Variants in ACADSB observed in about 807,000 individuals in gnomAD.
ACADSB encodes acyl-CoA dehydrogenase short/branched chain, also known as short/branched chain specific acyl-CoA dehydrogenase, mitochondrial.
Under a neutral mutation model 54.1 loss-of-function variants are expected in ACADSB, and 40 were observed. The ratio of observed to expected loss-of-function variants is 0.74; its 90% confidence interval spans 0.57 to 0.96. ACADSB has a LOEUF of 0.96. ACADSB is among the 40% of genes least tolerant of loss of function. ACADSB has a pLI of 0.00. For missense variants in ACADSB, 530 were observed against 510.4 expected (o/e 1.04, Z -0.37); for synonymous variants, 182 against 182.8 (o/e 1.00, Z 0.03).
chr10:123,057,834 G>A lies in ACADSB; in HGVS notation c.*4069G>A, dbSNP rs1259647451. 2 of 152,306 alleles carry A rather than the reference G, an allele frequency of 1.3e-5. No individual in the cohort carries two copies. The highest frequency in any genetic ancestry group is 2.4e-5 in the African/African-American group (1 of 41,576). The allele number at this position is 152,306 out of a possible 1,614,324, so 9.4% of individuals were successfully genotyped here. A position where few individuals can be genotyped will look rare whatever the true frequency, so the allele number is the denominator to read the frequency against. On this transcript the variant is annotated 3_prime_UTR_variant, in exon 11 of 11. Coordinates refer to ENST00000358776, the MANE Select transcript of ACADSB (RefSeq NM_001609.4). ...CAGGAACGAAGACAAGAATCCAAAT[G>A]TACTTGGGGACAAGAATTAGTCCCC...
At chr10:123,027,203 TG>T (rs1052460893) in intron 1 of ACADSB, among the ~76,000 whole-genome samples, 13 of 152,148 alleles carry the variant, frequency 8.5e-5, no homozygotes, top group Non-Finnish European at 1.6e-4. Context: ...CAGAATGACC[TG>T]GGGTGCTTTT....
intron 5 of ACADSB, 76 bp from the exon 6 acceptor site, chr10:123,042,970 C>A (rs1850494524): frequency 6.5e-7 from 1 of 1,544,512 alleles, no homozygotes; most frequent in Non-Finnish European, 8.9e-7. Flanking sequence ...TTTTAGTTTT[C>A]TTTTTACTTA....
chr10:123,047,250 A>G lies in ACADSB; in HGVS notation c.942A>G (p.Pro314=). 3 of 1,609,592 alleles carry G rather than the reference A, an allele frequency of 1.9e-6. No homozygotes were observed. Among genetic ancestry groups the G allele is most frequent in the Non-Finnish European group, 2.6e-6 (3 of 1,175,826 alleles). The stretch of plus-strand genomic sequence containing the variant: ...AAGGATGTTTTGACTACACTATTCC[A>G]TATATTAAAGAAAGGATACAATTTG... The part of the protein sequence containing the change: ...LAQGCFDYTI[P]YIKERIQFGK... The change falls in exon 8 of 11, where the codon CCA becomes CCG. Residue 314 remains proline (P), a synonymous_variant. Transcript: ENST00000358776.
At chr10:123,027,105 T>G (rs193180188) in intron 1 of ACADSB, among the ~76,000 whole-genome samples, 1 of 152,096 alleles carries the variant, frequency 6.6e-6, no homozygotes, top group Non-Finnish European at 1.5e-5. Context: ...AAGTGAATGG[T>G]TTGGTTTTTG....
At chr10:123,043,968 G>A (rs773468919) in intron 6 of ACADSB, among the ~76,000 whole-genome samples, 13 of 151,874 alleles carry the variant, frequency 8.6e-5, no homozygotes, top group Non-Finnish European at 1.2e-4. Flanking sequence ...ATACCCCACC[G>A]TTGATTTTTA....
chr10:123,035,307 A>C (rs761184579), intron 2 of ACADSB, among the ~76,000 whole-genome samples: 3 of 152,184 alleles, frequency 2.0e-5, no homozygotes, highest in Non-Finnish European at 2.9e-5. Context: ...ACCTTTATCT[A>C]TGAAACACCT....
intron 2 of ACADSB, among the ~76,000 whole-genome samples, chr10:123,034,995 G>A (rs1850379627): frequency 6.6e-6 from 1 of 151,086 alleles, no homozygotes; most frequent in Non-Finnish European, 1.5e-5. Context: ...TGACACCCAG[G>A]CTGGAGTGCA....
chr10:123,017,879 G>C (rs963548672), intron 1 of ACADSB, among the ~76,000 whole-genome samples: 4 of 152,162 alleles, frequency 2.6e-5, no homozygotes, highest in Non-Finnish European at 4.4e-5. Flanking sequence ...AAAAACCTGG[G>C]GTGAATAGAA....
rs1344992911 is a variant in ACADSB, at chr10:123,056,757, ATG to A, written c.*2994_*2995del. ...ATTTTAGTAATTTAATAAAAGGATAATGTTTATTTAAAAAACCTGACTTTTCC... is the reference window on the plus strand; with the variant it reads ...ATTTTAGTAATTTAATAAAAGGATAATTTATTTAAAAAACCTGACTTTTCC... On this transcript the variant is annotated 3_prime_UTR_variant, in exon 11 of 11. Transcript: ENST00000358776. 1 of 152,272 alleles carries A rather than the reference ATG, an allele frequency of 6.6e-6. No homozygotes were observed. The highest frequency in any genetic ancestry group is 2.4e-5 in the African/African-American group (1 of 41,460). 9.4% of individuals were successfully genotyped at this position (152,272 alleles called of 1,614,324 possible).
chr10:123,017,806 G>A (rs953848016), intron 1 of ACADSB, among the ~76,000 whole-genome samples: 6 of 152,156 alleles, frequency 3.9e-5, no homozygotes, highest in African/African-American at 1.4e-4. Flanking sequence ...GAAAGTCGGG[G>A]GTGGCTTCCA....
Position 123,037,798 on chromosome 10 carries a change from A to G in ACADSB, c.254A>G (p.Glu85Gly), listed in dbSNP as rs780860682. The G allele has an allele frequency of 1.2e-6, 2 of 1,612,428 alleles. No individual in the cohort carries two copies. The highest frequency in any genetic ancestry group is 1.7e-6 in the Non-Finnish European group (2 of 1,178,640). The part of the protein sequence containing the change: ...QIAPLVSTMD[E>G]NSKMEKSVIQ... ...GCACCTTTGGTTTCAACCATGGATGAAAATTCGAAAATGGAGAAATCAGTA... is the reference window on the plus strand; with the variant it reads ...GCACCTTTGGTTTCAACCATGGATGGAAATTCGAAAATGGAGAAATCAGTA... Residue 85 changes from glutamate (E) to glycine (G), a missense_variant, in exon 3 of 11, where the codon GAA becomes GGA. Transcript: ENST00000358776.
chr10:123,054,100 C>A lies in ACADSB; in HGVS notation c.*335C>A. The stretch of plus-strand genomic sequence containing the variant: ...AGAGTGCAGTGGCGCGATCTCAGCT[C>A]ACTGCAGCCTTGACCTCCTGGGTTC... On this transcript the variant is annotated 3_prime_UTR_variant, in exon 11 of 11. Coordinates refer to ENST00000358776, the MANE Select transcript of ACADSB (RefSeq NM_001609.4). The A allele has an allele frequency of 3.2e-6, 1 of 313,410 alleles. No homozygotes were observed. The highest frequency in any genetic ancestry group is 6.1e-6 in the Non-Finnish European group (1 of 163,750). 19.4% of individuals were successfully genotyped at this position (313,410 alleles called of 1,614,324 possible). A position where few individuals can be genotyped will look rare whatever the true frequency, so the allele number is the denominator to read the frequency against.
intron 1 of ACADSB, among the ~76,000 whole-genome samples, chr10:123,023,570 G>A (rs1850210922): frequency 2.6e-5 from 4 of 152,094 alleles, no homozygotes; most frequent in Admixed American, 2.0e-4. Flanking sequence ...GTTTTACTTT[G>A]TATGCCCCAA....
intron 7 of ACADSB, among the ~76,000 whole-genome samples, chr10:123,045,469 C>T (rs944221337): frequency 2.0e-5 from 3 of 151,858 alleles, no homozygotes; most frequent in African/African-American, 7.3e-5. Flanking sequence ...CGTGAGCCAC[C>T]GCGCCCGGCG....
chr10:123,051,161 C>T lies in ACADSB; in HGVS notation c.1103C>T (p.Ser368Leu). The T allele has an allele frequency of 8.9e-7, 1 of 1,129,686 alleles. No individual in the cohort carries two copies. Among genetic ancestry groups the T allele is most frequent in the Non-Finnish European group, 1.2e-6 (1 of 833,000 alleles). The allele number at this position is 1,129,686 out of a possible 1,614,324, so 70.0% of individuals were successfully genotyped here. A position where few individuals can be genotyped will look rare whatever the true frequency, so the allele number is the denominator to read the frequency against. Reference sequence around the variant, plus strand: ...GGAAAGCCATTCATAAAAGAAGCGTCAATGGCCAAATACTATGCATCAGAG... The same window carrying T: ...GGAAAGCCATTCATAAAAGAAGCGTTAATGGCCAAATACTATGCATCAGAG... ...EAGKPFIKEA[S>L]MAKYYASEIA... Residue 368 changes from serine to leucine, a missense_variant, in exon 9 of 11, where the codon TCA becomes TTA. By Grantham distance (145) the Ser-to-Leu change is moderately radical. Coordinates refer to ENST00000358776, the MANE Select transcript of ACADSB (RefSeq NM_001609.4).
intron 7 of ACADSB, among the ~76,000 whole-genome samples, chr10:123,045,365 A>G (rs1443252688): frequency 6.7e-6 from 1 of 150,272 alleles, no homozygotes; most frequent in Non-Finnish European, 1.5e-5. Flanking sequence ...TATTTTTAGT[A>G]GAGATGAGGT....
At chr10:123,036,914 C>T (rs116458685) in intron 2 of ACADSB, among the ~76,000 whole-genome samples, 9,231 of 152,240 alleles carry the variant, frequency 0.061, 327 homozygotes, top group Non-Finnish European at 0.087. Context: ...GCACTGAACC[C>T]GGTTGCCTTC....
rs770931689 is a variant in ACADSB, at chr10:123,041,322, C to T, written c.624C>T (p.Ile208=). ...YYVLNGSKMW[I]SSAEHAGLFL... is the part of the protein sequence containing the mutation. ...TCCTCAATGGATCAAAGATGTGGAT[C>T]AGCAGTGCTGAGCACGCAGGGCTCT... Residue 208 remains isoleucine (I), a synonymous_variant, in exon 5 of 11, where the codon ATC becomes ATT. Coordinates refer to ENST00000358776, the MANE Select transcript of ACADSB (RefSeq NM_001609.4). The T allele has an allele frequency of 6.2e-7, 1 of 1,614,194 alleles. No homozygotes were observed. The highest frequency in any genetic ancestry group is 1.7e-5 in the Admixed American group (1 of 60,028).
intron 1 of ACADSB, among the ~76,000 whole-genome samples, chr10:123,021,816 T>C (rs1850188797): frequency 6.6e-6 from 1 of 152,226 alleles, no homozygotes; most frequent in South Asian, 2.1e-4. Flanking sequence ...GGATCTATCA[T>C]AGCACTTTTA....
Sources: allele counts gnomAD v4.1 joint callset (sites outside exome capture counted in the v4.1 genomes callset), GRCh38; gene constraint gnomAD v4.1.1; transcripts MANE v1.5; gene names NCBI Gene and HGNC (gene_info 2026-07-23, HGNC 2026-07-21).